UBE3C: variants seen among roughly 807,000 people sequenced by gnomAD.
UBE3C encodes ubiquitin protein ligase E3C, also known as ubiquitin-protein ligase E3C.
A neutral mutation model predicts 129.4 loss-of-function variants in UBE3C; 42 were observed. That is an observed-to-expected ratio of 0.32 (90% CI 0.25 to 0.42). The LOEUF (loss-of-function observed/expected upper bound fraction) is 0.42. Ranked by LOEUF, UBE3C falls within the 10% of genes least tolerant of loss-of-function variation. The probability of loss-of-function intolerance (pLI) is 1.00; values close to 1 mark genes in which losing one functional copy is unlikely to be tolerated. For missense variants in UBE3C, 1,049 were observed against 1,319.1 expected (o/e 0.80, Z 3.17); for synonymous variants, 510 against 492.4 (o/e 1.04, Z -0.47).
chr7:157,253,027 C>T lies in UBE3C; in HGVS notation c.2695-927C>T, dbSNP rs576063597. ...GATTAGAGGCGTGAGCCACTATACCCGGCCTGTTTTTTTGGTTTTCTTAAT... is the reference window on the plus strand; with the variant it reads ...GATTAGAGGCGTGAGCCACTATACCTGGCCTGTTTTTTTGGTTTTCTTAAT... On this transcript the variant is annotated intron_variant, in intron 19 of 22. Coordinates refer to ENST00000348165, the MANE Select transcript of UBE3C (RefSeq NM_014671.3). Among the ~76,000 whole-genome samples, 36 of 152,008 alleles carry T rather than the reference C, an allele frequency of 2.4e-4. 2 individuals carry two copies. The South Asian group carries it at 6.0e-3, about 25-fold the overall frequency.
At chr7:157,171,666 A>C (rs1213829349) in intron 4 of UBE3C, among the ~76,000 whole-genome samples, 1 of 25,486 alleles carries the variant, frequency 3.9e-5, no homozygotes, top group Non-Finnish European at 9.8e-5. Context: ...TATTTTATAT[A>C]TATATATATA....
intron 14 of UBE3C, among the ~76,000 whole-genome samples, chr7:157,220,314 C>A (rs1795702052): frequency 6.6e-6 from 1 of 151,678 alleles, no homozygotes; most frequent in Admixed American, 6.6e-5. Context: ...TGAATACTGC[C>A]TCAACCAAAT....
rs116874997 is a variant in UBE3C at position 157,195,052 on chromosome 7, G to C, written c.1332-6669G>C. 9.5e-3 allele frequency among the ~76,000 whole-genome samples: 1,444 copies of C among 152,326 alleles called. 52 individuals are homozygous for C. The highest frequency in any genetic ancestry group is 0.056 in the Admixed American group (858 of 15,294). ...GTCAGGACAGCCTTCTCTAGAGAAA[G>C]TGATGAAGGTATGGCTGTATAACCT... On this transcript the variant is annotated intron_variant, in intron 10 of 22. Transcript: ENST00000348165.
intron 12 of UBE3C, 54 bp from the exon 13 acceptor site, chr7:157,207,649 T>G: frequency 6.3e-7 from 1 of 1,593,720 alleles, no homozygotes. Context: ...AGTCTTTCAG[T>G]GTGTGTTAAA....
chr7:157,202,782 A>T (rs1809327131), intron 11 of UBE3C, among the ~76,000 whole-genome samples: 2 of 152,252 alleles, frequency 1.3e-5, no homozygotes, highest in Admixed American at 6.5e-5. Flanking sequence ...TCATGGTAGT[A>T]GTGATAATAG....
intron 10 of UBE3C, chr7:157,197,642 T>G (rs947367493): frequency 5.0e-6 from 8 of 1,609,202 alleles, no homozygotes; most frequent in Non-Finnish European, 6.8e-6. Context: ...GAATATCTGC[T>G]TCTAGCAGTG....
At chr7:157,224,385 G>T (rs905625015) in intron 16 of UBE3C, among the ~76,000 whole-genome samples, 1 of 151,862 alleles carries the variant, frequency 6.6e-6, no homozygotes, top group South Asian at 2.1e-4. Context: ...CAGTAGAGAC[G>T]GGGTTTCGCC....
rs1174538726 is a variant in UBE3C, at chr7:157,182,240, G to A, written c.903G>A (p.Leu301=). The part of the protein sequence containing the change: ...VFPYEPFLNA[L]LLIESRCSRK... ...CTTACGAGCCCTTTCTGAATGCACT[G>A]TTGTTAATAGAGAGTAGATGTTCAA... The change falls in exon 8 of 23, where the codon CTG becomes CTA. Residue 301 remains leucine, a synonymous_variant. Transcript: ENST00000348165. 1.2e-6 allele frequency: 2 copies of A among 1,614,230 alleles called. No individual in the cohort carries two copies. Among genetic ancestry groups the A allele is most frequent in the Non-Finnish European group, 8.5e-7 (1 of 1,180,040 alleles).
intron 17 of UBE3C, among the ~76,000 whole-genome samples, chr7:157,228,143 C>G (rs758555865): frequency 2.0e-5 from 3 of 152,184 alleles, no homozygotes; most frequent in Non-Finnish European, 4.4e-5. Context: ...TTACGATGCT[C>G]GTTGTCTTAT....
In UBE3C at chr7:157,201,704, CT is replaced by C. The variant is rs752926470; in HGVS notation, c.1332-16del. 22 of 943,494 alleles carry C rather than the reference CT, an allele frequency of 2.3e-5. No individual in the cohort carries two copies. Among genetic ancestry groups the C allele is most frequent in the Non-Finnish European group, 3.0e-5 (22 of 726,942 alleles). 58.4% of individuals were successfully genotyped at this position (943,494 alleles called of 1,614,324 possible). On this transcript the variant is annotated splice_polypyrimidine_tract_variant and intron_variant, in intron 10 of 22. Transcript: ENST00000348165. ...AATTGCTTTACTGTTCTGTGTTTTTCTCCTATTCCTTTTTAGGCTTCTCTAC... is the reference window on the plus strand; with the variant it reads ...AATTGCTTTACTGTTCTGTGTTTTTCCCTATTCCTTTTTAGGCTTCTCTAC...
chr7:157,268,301 A>T lies in UBE3C; in HGVS notation c.*546A>T, dbSNP rs1187827941. On this transcript the variant is annotated 3_prime_UTR_variant, in exon 23 of 23. Coordinates refer to ENST00000348165, the MANE Select transcript of UBE3C (RefSeq NM_014671.3). ...GTTTGGAAAAGAGATGATGATGGTA[A>T]TATTTTATTTGTGCTTTTTAAGCCA... The T allele has an allele frequency of 6.6e-6, 1 of 152,590 alleles. No individual in the cohort carries two copies. Among genetic ancestry groups the T allele is most frequent in the Non-Finnish European group, 1.5e-5 (1 of 68,044 alleles). The allele number at this position is 152,590 out of a possible 1,614,324, so 9.5% of individuals were successfully genotyped here.
At chr7:157,139,403 A>G (rs1176378612) in intron 1 of UBE3C, 65 bp downstream of exon 1, 2 of 1,432,086 alleles carry the variant, frequency 1.4e-6, no homozygotes, top group Non-Finnish European at 1.8e-6. Flanking sequence ...CGGGGCTGGG[A>G]CTCGGGGCTG....
chr7:157,211,530 C>T (rs535737951), intron 13 of UBE3C, among the ~76,000 whole-genome samples: 2 of 152,110 alleles, frequency 1.3e-5, no homozygotes, highest in East Asian at 1.9e-4. Flanking sequence ...CCAGAGGTTG[C>T]GAATTTTTTG....
intron 18 of UBE3C, among the ~76,000 whole-genome samples, chr7:157,234,130 C>CCTTT (rs1796093174): frequency 6.6e-6 from 1 of 151,630 alleles, no homozygotes; most frequent in South Asian, 2.1e-4. Context: ...GTATTTTCTT[C>CCTTT]TCTGGATTGT....
At chr7:157,166,869 C>T (rs917080349) in intron 2 of UBE3C, among the ~76,000 whole-genome samples, 1 of 151,928 alleles carries the variant, frequency 6.6e-6, no homozygotes, top group African/African-American at 2.4e-5. Flanking sequence ...TTTCCAGCAT[C>T]CTTACATTGC....
At chr7:157,159,202 C>T (rs979382623) in intron 1 of UBE3C, among the ~76,000 whole-genome samples, 1 of 151,926 alleles carries the variant, frequency 6.6e-6, no homozygotes, top group African/African-American at 2.4e-5. Context: ...TTCACCATGG[C>T]ATACACACCA....
At chr7:157,226,905 G>T (rs1340086175) in intron 17 of UBE3C, among the ~76,000 whole-genome samples, 1 of 152,154 alleles carries the variant, frequency 6.6e-6, no homozygotes, top group Non-Finnish European at 1.5e-5. Flanking sequence ...AATGAGATGA[G>T]ACTAGGTACT....
chr7:157,178,966 C>T, intron 6 of UBE3C, 119 bp downstream of exon 6: 2 of 1,285,630 alleles, frequency 1.6e-6, no homozygotes, highest in Admixed American at 4.8e-5. Flanking sequence ...ACTGGTGTCC[C>T]AGACGCCTTG....
intron 6 of UBE3C, among the ~76,000 whole-genome samples, chr7:157,179,813 T>C (rs535685696): frequency 6.6e-6 from 1 of 152,176 alleles, no homozygotes; most frequent in Non-Finnish European, 1.5e-5. Flanking sequence ...ATTAAACGCA[T>C]ACTCATTTCA....
Sources: allele counts gnomAD v4.1 joint callset (sites outside exome capture counted in the v4.1 genomes callset), GRCh38; gene constraint gnomAD v4.1.1; transcripts MANE v1.5; gene names NCBI Gene and HGNC (gene_info 2026-07-23, HGNC 2026-07-21).